RYR3: variants seen among roughly 807,000 people sequenced by gnomAD.
The protein encoded by RYR3 is ryanodine receptor 3.
In RYR3, 207 loss-of-function variants were observed where a neutral mutation model predicts 584.3. That is an observed-to-expected ratio of 0.35 (90% confidence interval 0.32 to 0.40). The LOEUF is 0.40. Among genes scored for constraint, RYR3 ranks in the 10% least tolerant of loss-of-function variants. The pLI is 1.00. For missense variants in RYR3, 5,616 were observed against 6,089.2 expected, an observed-to-expected ratio of 0.92 and a Z score of 2.59; for synonymous variants, 2,416 against 2,248.5, an observed-to-expected ratio of 1.07 and a Z score of -2.11.
intron 16 of RYR3, among the ~76,000 whole-genome samples, chr15:33,598,164 C>T (rs2467558): frequency 0.46 from 65,994 of 143,074 alleles, 15,571 homozygotes; most frequent in East Asian, 0.79. Flanking sequence ...GTAGCCTCTG[C>T]TGCAATAACT....
intron 1 of RYR3, among the ~76,000 whole-genome samples, chr15:33,331,877 A>G (rs1970414863): frequency 6.6e-6 from 1 of 152,056 alleles, no homozygotes; most frequent in Non-Finnish European, 1.5e-5. Flanking sequence ...ATTTTGGATA[A>G]TAATTGCATG....
Position 33,747,310 on chromosome 15 carries a change from C to T in RYR3, c.7990-804C>T, listed in dbSNP as rs544955654. On this transcript the variant is annotated intron_variant, in intron 53 of 103. Transcript: ENST00000634891. The stretch of plus-strand genomic sequence containing the variant: ...CTAGGCCTAGTGTCACATGTAAAGG[C>T]TGGTGTATGTATCTTTGCATTCATG... Among the ~76,000 whole-genome samples, 93 of 149,218 alleles carry T rather than the reference C, an allele frequency of 6.2e-4. 2 individuals carry two copies. Among genetic ancestry groups the T allele is most frequent in the Admixed American group, 6.1e-3 (92 of 14,978 alleles).
chr15:33,545,636 C>T (rs1378574795), intron 8 of RYR3, among the ~76,000 whole-genome samples: 1 of 152,088 alleles, frequency 6.6e-6, no homozygotes, highest in East Asian at 1.9e-4. Flanking sequence ...AACAGGATGC[C>T]TTGGTGTTAT....
chr15:33,557,695 CT>C (rs1031689618), intron 10 of RYR3, among the ~76,000 whole-genome samples: 7 of 151,962 alleles, frequency 4.6e-5, no homozygotes, highest in African/African-American at 1.7e-4. Context: ...GTTCTAATTC[CT>C]TTCTTCATCC....
At chr15:33,700,211 A>G (rs2066199547) in intron 41 of RYR3, among the ~76,000 whole-genome samples, 1 of 152,214 alleles carries the variant, frequency 6.6e-6, no homozygotes, top group African/African-American at 2.4e-5. Context: ...GACCAAGGTC[A>G]TGGATCGGAT....
rs1470328443 is a variant in RYR3, at chr15:33,861,114, T to C, written c.14401T>C (p.Phe4801Leu). 4 of 1,597,348 alleles carry C rather than the reference T, an allele frequency of 2.5e-6. No individual in the cohort carries two copies. Among genetic ancestry groups the C allele is most frequent in the Non-Finnish European group, 3.4e-6 (4 of 1,170,980 alleles). Residue 4801 changes from phenylalanine to leucine, a missense_variant, in exon 102 of 104, where the codon TTT (phenylalanine) becomes CTT (leucine). Physicochemically the swap from Phe to Leu is conservative, Grantham distance 22. Coordinates refer to ENST00000634891, the MANE Select transcript of RYR3 (RefSeq NM_001036.6). ...CFICGIGNDY[F>L]DTTPHGFETH... is the part of the protein sequence containing the mutation. ...CATCTGTGGGATTGGCAATGACTACTTTGACACAACCCCTCATGGTTTTGA... is the reference window on the plus strand; with the variant it reads ...CATCTGTGGGATTGGCAATGACTACCTTGACACAACCCCTCATGGTTTTGA...
In RYR3 at chr15:33,813,530, C is replaced by T. The variant is rs1285679898; in HGVS notation, c.10453C>T (p.Arg3485Trp). 6 of 1,613,982 alleles carry T rather than the reference C, an allele frequency of 3.7e-6. No individual in the cohort carries two copies. The highest frequency in any genetic ancestry group is 1.3e-5 in the African/African-American group (1 of 75,062). The part of the protein sequence containing the change: ...WHKLLSKQRK[R>W]AVVACFRMAP... ...CAAACTGTTATCAAAGCAACGGAAA[C>T]GGGCAGTGGTGGCCTGTTTCAGGAT... is the stretch of plus-strand genomic sequence containing the variant. The change falls in exon 74 of 104, where the codon CGG becomes TGG. Residue 3485 changes from arginine (R) to tryptophan (W), a missense_variant. Coordinates refer to ENST00000634891, the MANE Select transcript of RYR3 (RefSeq NM_001036.6).
intron 48 of RYR3, 137 bp downstream of exon 48, chr15:33,731,831 C>A: frequency 1.5e-6 from 1 of 670,146 alleles, no homozygotes. Context: ...CCCCAGACAT[C>A]TCATAGGATG....
At chr15:33,431,345 A>G (rs1293547982) in intron 1 of RYR3, among the ~76,000 whole-genome samples, 1 of 152,262 alleles carries the variant, frequency 6.6e-6, no homozygotes, top group Non-Finnish European at 1.5e-5. Context: ...AAAGTATCAC[A>G]TACCTTTTAT....
At position 33,745,949 on chromosome 15, in the gene RYR3, T is replaced by C. The variant is rs2070662110; in HGVS notation, c.7900-119T>C. 8.4e-6 allele frequency: 6 copies of C among 714,956 alleles called. No homozygotes were observed. The Admixed American group carries it at 1.3e-4, about 16-fold the overall frequency. The allele number at this position is 714,956 out of a possible 1,614,324, so 44.3% of individuals were successfully genotyped here. A position where few individuals can be genotyped will look rare whatever the true frequency, so the allele number is the denominator to read the frequency against. On this transcript the variant is annotated intron_variant, in intron 52 of 103. Coordinates refer to ENST00000634891, the MANE Select transcript of RYR3 (RefSeq NM_001036.6). ...CAATTAGGCATTTTTGAGGAGAATT[T>C]CTAAGCCCTGTCACTATCCATTACT...
In RYR3 at chr15:33,570,064, C is replaced by T. The variant is rs1422104773; in HGVS notation, c.1268+3265C>T. Among the ~76,000 whole-genome samples the T allele has an allele frequency of 3.9e-5, 6 of 152,040 alleles. No homozygotes were observed. The East Asian group carries it at 1.2e-3, about 29-fold the overall frequency. On this transcript the variant is annotated intron_variant, in intron 12 of 103. Transcript: ENST00000634891. ...TTTTTTTAAATGGTGTCTTTTGAAGCACAAACGTTTTAATTTTTGATTAAG... is the reference window on the plus strand; with the variant it reads ...TTTTTTTAAATGGTGTCTTTTGAAGTACAAACGTTTTAATTTTTGATTAAG...
intron 28 of RYR3, 53 bp from the exon 29 acceptor site, chr15:33,646,298 G>A (rs1182558225): frequency 2.3e-5 from 34 of 1,490,408 alleles, no homozygotes; most frequent in East Asian, 4.6e-5. Context: ...AAAGGGACTG[G>A]GTCAAGGTCA....
chr15:33,861,990 C>T (rs763678471), intron 102 of RYR3, among the ~76,000 whole-genome samples: 7 of 152,058 alleles, frequency 4.6e-5, no homozygotes, highest in Non-Finnish European at 8.8e-5. Flanking sequence ...AAGTGTTTCA[C>T]TTATTCTACG....
At chr15:33,805,699 G>T (rs28758386) in intron 69 of RYR3, among the ~76,000 whole-genome samples, 64 of 151,308 alleles carry the variant, frequency 4.2e-4, no homozygotes, top group Admixed American at 2.4e-3. Flanking sequence ...GGATGGTCTC[G>T]ATCTCCTGAC....
chr15:33,325,763 T>G (rs1211703702), intron 1 of RYR3, among the ~76,000 whole-genome samples: 1 of 129,638 alleles, frequency 7.7e-6, no homozygotes, highest in Non-Finnish European at 1.6e-5. Context: ...CCTTCCTTCC[T>G]TCCTTCCTTC....
intron 1 of RYR3, among the ~76,000 whole-genome samples, chr15:33,346,935 T>A (rs1194898443): frequency 6.6e-6 from 1 of 152,138 alleles, no homozygotes; most frequent in Non-Finnish European, 1.5e-5. Context: ...AGACCCTGTA[T>A]CCACAAAAAT....
rs753714277 is a variant in RYR3 at position 33,533,312 on chromosome 15, A to G, written c.356A>G (p.Tyr119Cys). Reference sequence around the variant, plus strand: ...CTAGTATTTGCTCTTCTTTCACAGTATCTAACATGCTTGACTACATCAAGA... The same window carrying G: ...CTAGTATTTGCTCTTCTTTCACAGTGTCTAACATGCTTGACTACATCAAGA... ...VLLRHSFSGM[Y>C]LTCLTTSRSQ... The change falls in exon 5 of 104, where the codon TAT becomes TGT. Residue 119 changes from tyrosine to cysteine, a missense_variant and splice_region_variant. Tyr to Cys is a radical substitution (Grantham distance 194). Transcript: ENST00000634891. 12 of 1,599,434 alleles carry G rather than the reference A, an allele frequency of 7.5e-6. No homozygotes were observed. In the South Asian group the frequency reaches 1.4e-4, roughly 18 times the overall value.
intron 1 of RYR3, among the ~76,000 whole-genome samples, chr15:33,368,476 G>A (rs11638030): frequency 0.056 from 8,480 of 150,808 alleles, 320 homozygotes; most frequent in Non-Finnish European, 0.087. Flanking sequence ...CCCCACATTA[G>A]TCTGTGTGGC....
In RYR3 at chr15:33,859,697, C is replaced by T. The variant is rs1446531246; in HGVS notation, c.14265C>T (p.Phe4755=). 6.2e-7 allele frequency: 1 copy of T among 1,612,586 alleles called. No homozygotes were observed. Among genetic ancestry groups the T allele is most frequent in the Non-Finnish European group, 8.5e-7 (1 of 1,179,196 alleles). ...YRIVFDITFF[F]FVIVILLAII... ...TTGTCTTTGACATTACCTTTTTCTT[C>T]TTCGTCATTGTCATCTTGCTGGCCA... The change falls in exon 100 of 104, where the codon TTC becomes TTT. Residue 4755 remains phenylalanine (F), a synonymous_variant. Transcript: ENST00000634891.
Sources: allele counts gnomAD v4.1 joint callset (sites outside exome capture counted in the v4.1 genomes callset), GRCh38; gene constraint gnomAD v4.1.1; transcripts MANE v1.5; gene names NCBI Gene and HGNC (gene_info 2026-07-23, HGNC 2026-07-21).